NRXN3: variants seen among roughly 807,000 people sequenced by gnomAD.
NRXN3 encodes the protein neurexin III.
In NRXN3, 32 loss-of-function variants were observed where a neutral mutation model predicts 137.6. That is an observed-to-expected ratio of 0.23 (90% confidence interval 0.18 to 0.31). The LOEUF (loss-of-function observed/expected upper bound fraction) is 0.31. NRXN3 is among the 10% of genes least tolerant of loss of function. NRXN3 has a pLI of 1.00. For synonymous variants in NRXN3, 798 were observed against 784.5 expected, an observed-to-expected ratio of 1.02 and a Z score of -0.29; for missense variants, 1,574 against 2,062.5, an observed-to-expected ratio of 0.76 and a Z score of 4.59.
At chr14:78,830,631 G>A (rs2098979013) in intron 10 of NRXN3, among the ~76,000 whole-genome samples, 1 of 151,528 alleles carries the variant, frequency 6.6e-6, no homozygotes, top group Admixed American at 6.6e-5. Context: ...CTGATATAAT[G>A]CCACAGGCCT....
chr14:79,785,656 C>T (rs138119747), intron 19 of NRXN3, among the ~76,000 whole-genome samples: 4,223 of 152,188 alleles, frequency 0.028, 95 homozygotes, highest in Non-Finnish European at 0.043. Flanking sequence ...CACTTACCTA[C>T]TTAATTATAA....
At chr14:79,402,184 C>T (rs1453990989) in intron 15 of NRXN3, among the ~76,000 whole-genome samples, 1 of 152,188 alleles carries the variant, frequency 6.6e-6, no homozygotes, top group African/African-American at 2.4e-5. Flanking sequence ...GATCCTCCCA[C>T]CTTGGCCTCC....
intron 15 of NRXN3, among the ~76,000 whole-genome samples, chr14:79,281,038 C>G (rs2081199224): frequency 6.6e-6 from 1 of 152,046 alleles, no homozygotes; most frequent in African/African-American, 2.4e-5. Context: ...TGGTAATGGT[C>G]AGGGAAAAGT....
intron 4 of NRXN3, among the ~76,000 whole-genome samples, chr14:78,494,426 G>T (rs72681583): frequency 0.32 from 42,739 of 131,534 alleles, 7,708 homozygotes; most frequent in Admixed American, 0.38. Flanking sequence ...GAGGTGTTTT[G>T]TTTTTTTTTT....
chr14:79,645,813 C>T (rs2098451503), intron 16 of NRXN3, among the ~76,000 whole-genome samples: 1 of 134,928 alleles, frequency 7.4e-6, no homozygotes, highest in African/African-American at 2.5e-5. Flanking sequence ...CCTGGGATAC[C>T]AGGCTGAAGA....
At chr14:79,345,042 G>A (rs2092799103) in intron 15 of NRXN3, among the ~76,000 whole-genome samples, 1 of 152,142 alleles carries the variant, frequency 6.6e-6, no homozygotes, top group Non-Finnish European at 1.5e-5. Context: ...TCTAACATAT[G>A]TCCTCTATTC....
chr14:79,291,325 C>T (rs1051246835), intron 15 of NRXN3, among the ~76,000 whole-genome samples: 14 of 151,928 alleles, frequency 9.2e-5, no homozygotes, highest in South Asian at 2.1e-4. Flanking sequence ...TTTCTATAAA[C>T]GTTATAGTTC....
At position 78,804,338 on chromosome 14, in the gene NRXN3, C is replaced by T. The variant is rs1473149736; in HGVS notation, c.2248+515C>T. ...GAGAATTCTGGTGGCCTTGATGACA[C>T]TGATATCTCCTTTGACTTTCTCCTA... On this transcript the variant is annotated intron_variant, in intron 9 of 20. Coordinates refer to ENST00000335750, the MANE Select transcript of NRXN3 (RefSeq NM_001330195.2). Among the ~76,000 whole-genome samples the T allele has an allele frequency of 7.2e-5, 11 of 152,322 alleles. No homozygotes were observed. In the East Asian group the frequency reaches 1.9e-3, roughly 27 times the overall value.
At chr14:79,654,936 AG>A (rs2098498206) in intron 16 of NRXN3, among the ~76,000 whole-genome samples, 2 of 152,212 alleles carry the variant, frequency 1.3e-5, no homozygotes, top group Non-Finnish European at 2.9e-5. Context: ...AATCACTAAA[AG>A]TTTCCTCACA....
At chr14:78,845,196 G>T (rs2099023226) in intron 10 of NRXN3, among the ~76,000 whole-genome samples, 1 of 151,934 alleles carries the variant, frequency 6.6e-6, no homozygotes, top group Non-Finnish European at 1.5e-5. Flanking sequence ...TAATTGAACT[G>T]TACTTTCTAT....
intron 15 of NRXN3, among the ~76,000 whole-genome samples, chr14:79,279,142 G>A (rs2080812075): frequency 6.6e-6 from 1 of 152,148 alleles, no homozygotes; most frequent in South Asian, 2.1e-4. Context: ...CGCACACACG[G>A]CGGGGCGGGA....
At chr14:78,372,042 T>C (rs2086924546) in intron 4 of NRXN3, among the ~76,000 whole-genome samples, 1 of 151,998 alleles carries the variant, frequency 6.6e-6, no homozygotes, top group African/African-American at 2.4e-5. Flanking sequence ...ATGACAGAAT[T>C]ACAGTCTACA....
intron 15 of NRXN3, among the ~76,000 whole-genome samples, chr14:79,227,208 C>T (rs1476635134): frequency 1.3e-5 from 2 of 152,102 alleles, no homozygotes; most frequent in Non-Finnish European, 2.9e-5. Flanking sequence ...TTGAGCACTT[C>T]GTAGGTACCT....
chr14:78,204,056 A>T (rs2061954494), intron 1 of NRXN3, among the ~76,000 whole-genome samples: 1 of 152,132 alleles, frequency 6.6e-6, no homozygotes, highest in Non-Finnish European at 1.5e-5. Flanking sequence ...CATTACAGAG[A>T]TGTAACAATT....
At chr14:79,156,156 G>A (rs1042737915) in intron 15 of NRXN3, among the ~76,000 whole-genome samples, 3 of 151,668 alleles carry the variant, frequency 2.0e-5, no homozygotes, top group African/African-American at 2.4e-5. Context: ...TGCTTTACAC[G>A]GATACTCTAC....
At chr14:79,700,121 C>T (rs2098749492) in intron 19 of NRXN3, among the ~76,000 whole-genome samples, 1 of 152,016 alleles carries the variant, frequency 6.6e-6, no homozygotes, top group Non-Finnish European at 1.5e-5. Context: ...TTCTGTTGAT[C>T]ACATCAAACC....
At chr14:78,946,889 A>G (rs2099366406) in intron 10 of NRXN3, among the ~76,000 whole-genome samples, 1 of 152,126 alleles carries the variant, frequency 6.6e-6, no homozygotes, top group Non-Finnish European at 1.5e-5. Context: ...CACTTGATTT[A>G]TTTTTGTTGA....
In NRXN3 at chr14:78,203,818, GTGTGTGTGTGTGTGTGTGTGGTT is replaced by G. The variant is rs1350069547; in HGVS notation, c.-704+33159_-704+33181del. ...GATCCTTCCAGGTGTGTGTGTGTGT[GTGTGTGTGTGTGTGTGTGTGGTT>G]TGTGTGTGTGTGTGGTTTGTGTGTG... is the stretch of plus-strand genomic sequence containing the variant. On this transcript the variant is annotated intron_variant, in intron 1 of 20. Transcript: ENST00000335750. 9.7e-3 allele frequency among the ~76,000 whole-genome samples: 1,037 copies of G among 106,810 alleles called. 6 individuals are homozygous for G. Among genetic ancestry groups the G allele is most frequent in the Middle Eastern group, 0.037 (8 of 218 alleles). 70.1% of individuals were successfully genotyped at this position (106,810 alleles called of 152,430 possible).
intron 15 of NRXN3, among the ~76,000 whole-genome samples, chr14:79,310,908 A>G (rs2087142767): frequency 1.2e-5 from 1 of 85,596 alleles, no homozygotes; most frequent in Admixed American, 1.4e-4. Flanking sequence ...CTCTTTTCCT[A>G]ATTGAATACC....
Sources: gnomAD v4.1 joint callset for allele counts (sites outside exome capture counted in the v4.1 genomes callset) on GRCh38, gnomAD v4.1.1 for gene constraint, MANE v1.5 for transcripts, NCBI Gene and HGNC (gene_info 2026-07-23, HGNC 2026-07-21) for gene names.